The following ULK4 variants were observed in gnomAD, a reference collection of about 807,000 sequenced individuals.
ULK4 encodes the protein inactive serine/threonine-protein kinase ULK4.
Under a neutral mutation model 160.6 loss-of-function variants are expected in ULK4, and 133 were observed. The observed-to-expected ratio is 0.83, with a 90% CI of 0.72 to 0.96. The LOEUF is 0.96. ULK4 is among the 40% of genes least tolerant of loss of function. ULK4 has a pLI of 0.00. For missense variants in ULK4, 1,580 were observed against 1,499.5 expected, an observed-to-expected ratio of 1.05 and a Z score of -0.89; for synonymous variants, 534 against 539.8, an observed-to-expected ratio of 0.99 and a Z score of 0.15.
chr3:41,884,306 A>C (rs1697638613), intron 16 of ULK4, among the ~76,000 whole-genome samples: 1 of 152,258 alleles, frequency 6.6e-6, no homozygotes, highest in South Asian at 2.1e-4. Flanking sequence ...GCATTTGGCT[A>C]AAGGTCTCTT....
intron 32 of ULK4, among the ~76,000 whole-genome samples, chr3:41,477,340 T>G (rs1344641092): frequency 6.6e-6 from 1 of 152,230 alleles, no homozygotes. Context: ...AGAGCTAATA[T>G]AAGAATATAC....
At chr3:41,942,125 G>C (rs1197031787) in intron 2 of ULK4, among the ~76,000 whole-genome samples, 1 of 152,188 alleles carries the variant, frequency 6.6e-6, no homozygotes, top group African/African-American at 2.4e-5. Flanking sequence ...GGGCTACTGA[G>C]AACTCGAAAA....
At chr3:41,803,322 T>A (rs1033866909) in intron 19 of ULK4, among the ~76,000 whole-genome samples, 3 of 152,088 alleles carry the variant, frequency 2.0e-5, no homozygotes, top group Non-Finnish European at 4.4e-5. Flanking sequence ...ACATGAAACA[T>A]TACCAAGTTA....
intron 21 of ULK4, among the ~76,000 whole-genome samples, chr3:41,784,316 C>T (rs2039938776): frequency 6.6e-6 from 1 of 152,014 alleles, no homozygotes; most frequent in South Asian, 2.1e-4. Flanking sequence ...TGCCTGTAAT[C>T]CCAGCTACTC....
chr3:41,556,274 T>C (rs1356954675), intron 32 of ULK4, among the ~76,000 whole-genome samples: 1 of 152,174 alleles, frequency 6.6e-6, no homozygotes, highest in Non-Finnish European at 1.5e-5. Flanking sequence ...AGAATTAGTT[T>C]TGTTCAACTC....
rs2037239062 is a variant in ULK4 at position 41,715,548 on chromosome 3, C to T, written c.2476G>A (p.Ala826Thr). The T allele has an allele frequency of 1.9e-6, 3 of 1,613,924 alleles. No homozygotes were observed. Among genetic ancestry groups the T allele is most frequent in the African/African-American group, 1.3e-5 (1 of 74,886 alleles). The part of the protein sequence containing the change: ...RILGDILNSL[A>T]NVSGRKHPST... ...GGGTGTTTACGTCCAGAAACATTAG[C>T]CAAGGAGTTAAGAATGTCACCTGTG... The change falls in exon 24 of 37, where the codon GCT becomes ACT. Residue 826 changes from alanine (A) to threonine (T), a missense_variant. Ala to Thr is a moderately conservative substitution (Grantham distance 58). Transcript: ENST00000301831.
At chr3:41,824,566 T>G (rs927819022) in intron 18 of ULK4, among the ~76,000 whole-genome samples, 1 of 152,136 alleles carries the variant, frequency 6.6e-6, no homozygotes, top group African/African-American at 2.4e-5. Flanking sequence ...CCTCGCTCAT[T>G]GCTAGCACAG....
intron 27 of ULK4, among the ~76,000 whole-genome samples, chr3:41,697,679 G>A (rs377177082): frequency 2.0e-5 from 3 of 151,936 alleles, no homozygotes; most frequent in East Asian, 1.9e-4. Flanking sequence ...ATAGAGTCTC[G>A]CTATGTTGCC....
chr3:41,791,296 T>C (rs561097647), intron 20 of ULK4, among the ~76,000 whole-genome samples: 1 of 151,996 alleles, frequency 6.6e-6, no homozygotes, highest in Non-Finnish European at 1.5e-5. Context: ...ATCTGGCCTA[T>C]TTGTGTTACT....
At chr3:41,452,759 A>G (rs2083450557) in intron 34 of ULK4, among the ~76,000 whole-genome samples, 1 of 152,158 alleles carries the variant, frequency 6.6e-6, no homozygotes, top group Admixed American at 6.5e-5. Context: ...TCCATTCAGA[A>G]CATCTTAAAC....
chr3:41,855,635 T>C (rs539512485), intron 17 of ULK4, among the ~76,000 whole-genome samples: 3 of 152,356 alleles, frequency 2.0e-5, no homozygotes, highest in African/African-American at 7.2e-5. Flanking sequence ...ATTATTTACT[T>C]GTTACTATAC....
At chr3:41,254,995 CCTAAAATATCAATA>C (rs1247959689) in intron 35 of ULK4, among the ~76,000 whole-genome samples, 1 of 151,414 alleles carries the variant, frequency 6.6e-6, no homozygotes, top group African/African-American at 2.4e-5. Flanking sequence ...AAATGTAGGC[CCTAAAATATCAATA>C]CTTACATTAA....
intron 35 of ULK4, among the ~76,000 whole-genome samples, chr3:41,326,834 C>T (rs2080347511): frequency 6.6e-6 from 1 of 152,168 alleles, no homozygotes. Context: ...CAGGGACATC[C>T]ATTAGCCAGC....
chr3:41,775,587 T>C (rs2039581674), intron 21 of ULK4, among the ~76,000 whole-genome samples: 1 of 150,250 alleles, frequency 6.7e-6, no homozygotes, highest in Non-Finnish European at 1.5e-5. Context: ...TTAGTAGAGA[T>C]GGGGTTTCAC....
intron 32 of ULK4, among the ~76,000 whole-genome samples, chr3:41,472,556 G>C (rs967647857): frequency 3.4e-4 from 51 of 150,260 alleles, no homozygotes; most frequent in Admixed American, 6.6e-4. Context: ...GTGACAGAGT[G>C]GGACTGTCAA....
intron 34 of ULK4, among the ~76,000 whole-genome samples, chr3:41,415,519 G>A (rs977475374): frequency 6.6e-6 from 1 of 152,032 alleles, no homozygotes; most frequent in Non-Finnish European, 1.5e-5. Context: ...AACTTATCAA[G>A]CACGGTGCCG....
chr3:41,453,159 T>C (rs1416768629), intron 34 of ULK4, among the ~76,000 whole-genome samples: 4 of 152,064 alleles, frequency 2.6e-5, no homozygotes, highest in Non-Finnish European at 5.9e-5. Flanking sequence ...AGTGGTGAAA[T>C]TGCGTTTTTT....
intron 32 of ULK4, among the ~76,000 whole-genome samples, chr3:41,491,488 C>A (rs866778950): frequency 3.9e-5 from 6 of 152,046 alleles, no homozygotes; most frequent in Middle Eastern, 3.4e-3. Flanking sequence ...CTAAAATCTA[C>A]ACAAAAATAT....
intron 21 of ULK4, among the ~76,000 whole-genome samples, chr3:41,785,580 G>A (rs17062597): frequency 0.038 from 5,725 of 152,058 alleles, 373 homozygotes; most frequent in African/African-American, 0.13. Flanking sequence ...CGTCAATCCC[G>A]CCAAAAAACA....
Sources: allele counts gnomAD v4.1 joint callset (sites outside exome capture counted in the v4.1 genomes callset), GRCh38; gene constraint gnomAD v4.1.1; transcripts MANE v1.5; gene names NCBI Gene and HGNC (gene_info 2026-07-23, HGNC 2026-07-21).